The following HMG20A variants were observed in gnomAD, a reference collection of about 807,000 sequenced individuals.
HMG20A encodes high mobility group 20A, also known as high mobility group protein 20A.
HMG20A carries 17 observed loss-of-function variants against 43.9 expected under a neutral mutation model. The observed-to-expected ratio is 0.39, with a 90% CI of 0.27 to 0.58. The LOEUF is 0.58. Among genes scored for constraint, HMG20A ranks in the 20% least tolerant of loss-of-function variants. The pLI is 0.59. For synonymous variants in HMG20A, 132 were observed against 147.5 expected (o/e 0.89, Z 0.76); for missense variants, 341 against 438.2 (o/e 0.78, Z 1.98).
chr15:77,436,912 T>C (rs1351551691), intron 1 of HMG20A, among the ~76,000 whole-genome samples: 1 of 152,244 alleles, frequency 6.6e-6, no homozygotes, highest in Non-Finnish European at 1.5e-5. Flanking sequence ...ATTTCTGACA[T>C]GGCCCCAGAT....
chr15:77,516,897 G>T, the HMG20A span, among the ~76,000 whole-genome samples: 2 of 152,196 alleles, frequency 1.3e-5, no homozygotes, highest in South Asian at 4.1e-4. Context: ...GTGCCAGGCA[G>T]GGGCACTGCT....
At chr15:77,452,511 A>G (rs1294936707) in intron 1 of HMG20A, among the ~76,000 whole-genome samples, 4 of 152,200 alleles carry the variant, frequency 2.6e-5, no homozygotes, top group African/African-American at 4.8e-5. Context: ...TGGCCAAACA[A>G]GAGAGACTGG....
chr15:77,514,029 T>C, the HMG20A span, among the ~76,000 whole-genome samples: 1 of 152,198 alleles, frequency 6.6e-6, no homozygotes, highest in Non-Finnish European at 1.5e-5. Flanking sequence ...CAGCCTTTTT[T>C]CCTACTGTCT....
At chr15:77,432,722 C>CAAAAA (rs34459644) in intron 1 of HMG20A, among the ~76,000 whole-genome samples, 13 of 77,666 alleles carry the variant, frequency 1.7e-4, no homozygotes, top group Admixed American at 4.3e-4. Flanking sequence ...AACTCCGACT[C>CAAAAA]AAAAAAAAAA....
downstream of HMG20A, among the ~76,000 whole-genome samples, chr15:77,490,394 G>C (rs576665351): frequency 5.1e-4 from 78 of 152,304 alleles, no homozygotes; most frequent in African/African-American, 1.8e-3. Flanking sequence ...GCTGGCATAG[G>C]AACCCAAGTG....
intron 1 of HMG20A, among the ~76,000 whole-genome samples, chr15:77,457,673 A>G (rs1244679294): frequency 6.6e-6 from 1 of 152,134 alleles, no homozygotes; most frequent in Non-Finnish European, 1.5e-5. Context: ...AATTAAGCTT[A>G]GTTGTTTCCT....
intron 1 of HMG20A, among the ~76,000 whole-genome samples, chr15:77,448,559 T>A (rs1396081683): frequency 6.6e-6 from 1 of 152,230 alleles, no homozygotes; most frequent in Non-Finnish European, 1.5e-5. Context: ...CTGCCCTGTT[T>A]TTTCTTGGTA....
chr15:77,490,058 T>C (rs1213412861), downstream of HMG20A, among the ~76,000 whole-genome samples: 1 of 152,118 alleles, frequency 6.6e-6, no homozygotes, highest in Non-Finnish European at 1.5e-5. Flanking sequence ...GGCAGACCAC[T>C]TGAGGCCAGG....
intron 1 of HMG20A, among the ~76,000 whole-genome samples, chr15:77,450,132 T>C (rs1030723166): frequency 6.6e-6 from 1 of 152,152 alleles, no homozygotes; most frequent in African/African-American, 2.4e-5. Context: ...TTATTTATTT[T>C]TTTATTTGTT....
the HMG20A span, among the ~76,000 whole-genome samples, chr15:77,505,569 C>A: frequency 6.6e-6 from 1 of 152,230 alleles, no homozygotes. Context: ...TCCTCACCAG[C>A]CAGCACCTGC....
chr15:77,508,975 C>T, the HMG20A span, among the ~76,000 whole-genome samples: 2 of 152,198 alleles, frequency 1.3e-5, no homozygotes, highest in East Asian at 1.9e-4. Context: ...TCTTTGGCCC[C>T]TTTGTTAACT....
chr15:77,439,025 C>T (rs1238854068), intron 1 of HMG20A, among the ~76,000 whole-genome samples: 1 of 151,872 alleles, frequency 6.6e-6, no homozygotes, highest in East Asian at 1.9e-4. Flanking sequence ...GATCTCCTTA[C>T]CTCGTGATCC....
chr15:77,493,420 A>G, the HMG20A span, among the ~76,000 whole-genome samples: 801 of 152,264 alleles, frequency 5.3e-3, 6 homozygotes, highest in African/African-American at 0.018. Context: ...AATGTAGGGG[A>G]AAAACAGCAA....
chr15:77,432,623 G>A (rs866103951), intron 1 of HMG20A, among the ~76,000 whole-genome samples: 40 of 150,984 alleles, frequency 2.6e-4, no homozygotes, highest in African/African-American at 9.2e-4. Context: ...TCAGGAGGCT[G>A]AGGCAGGAGA....
At position 77,420,997 on chromosome 15, in the gene HMG20A, G is replaced by A. The variant is rs2142247846; in HGVS notation, c.-12G>A. The A allele has an allele frequency of 5.0e-6, 2 of 398,794 alleles. No individual in the cohort carries two copies. Among genetic ancestry groups the A allele is most frequent in the Non-Finnish European group, 8.8e-6 (2 of 226,172 alleles). The allele number at this position is 398,794 out of a possible 1,614,324, so 24.7% of individuals were successfully genotyped here. On this transcript the variant is annotated 5_prime_UTR_variant, in exon 1 of 10. Transcript: ENST00000336216. ...CCCTAGGCCCCTTCCTGCCCCTGTC[G>A]TCAGCAGGTCAGTAAGCAAGGCGAG...
chr15:77,441,064 G>A lies in HMG20A; in HGVS notation c.-4-17340G>A, dbSNP rs191000552. 4.5e-3 allele frequency among the ~76,000 whole-genome samples: 685 copies of A among 152,228 alleles called. 4 individuals carry two copies. Among genetic ancestry groups the A allele is most frequent in the Non-Finnish European group, 7.2e-3 (488 of 67,978 alleles). ...TATTGTTATTAGGCTCTTACTATAT[G>A]ATGACACCATACTACCTGCTTTATT... On this transcript the variant is annotated intron_variant, in intron 1 of 9. Transcript: ENST00000336216.
At chr15:77,514,569 G>A in the HMG20A span, among the ~76,000 whole-genome samples, 60 of 152,334 alleles carry the variant, frequency 3.9e-4, no homozygotes, top group African/African-American at 1.4e-3. Context: ...AAGTGTTGAA[G>A]GGAACAGCAT....
At chr15:77,471,114 G>C (rs2072804286) in intron 5 of HMG20A, 72 bp downstream of exon 5, 3 of 1,439,658 alleles carry the variant, frequency 2.1e-6, no homozygotes, top group Non-Finnish European at 2.8e-6. Context: ...CAACTGTTAA[G>C]AGTGGTAACT....
At chr15:77,452,489 A>G (rs903048690) in intron 1 of HMG20A, among the ~76,000 whole-genome samples, 7 of 152,232 alleles carry the variant, frequency 4.6e-5, no homozygotes, top group Admixed American at 1.3e-4. Context: ...GTGAAGGATA[A>G]GAAAGTATAA....
Sources: allele counts gnomAD v4.1 joint callset (sites outside exome capture counted in the v4.1 genomes callset), GRCh38; gene constraint gnomAD v4.1.1; transcripts MANE v1.5; gene names NCBI Gene and HGNC (gene_info 2026-07-23, HGNC 2026-07-21).